Variants in MPST observed in about 807,000 individuals in gnomAD.
MPST encodes 3-mercaptopyruvate sulfurtransferase.
A neutral mutation model predicts 28.5 loss-of-function variants in MPST; 27 were observed. That is an observed-to-expected ratio of 0.95 (90% confidence interval 0.70 to 1.31). The LOEUF (loss-of-function observed/expected upper bound fraction) is 1.31. Ranked by LOEUF, MPST falls within the 50% of genes most tolerant of loss-of-function variation. The pLI is 0.00. For synonymous variants in MPST, 204 were observed against 209.3 expected, an observed-to-expected ratio of 0.97 and a Z score of 0.22; for missense variants, 492 against 471.1, an observed-to-expected ratio of 1.04 and a Z score of -0.41.
At chr22:37,025,062 A>G in intron 2 of MPST, 2 of 1,511,824 alleles carry the variant, frequency 1.3e-6, no homozygotes, top group Non-Finnish European at 1.8e-6. Context: ...CTGCAGCCTC[A>G]ACCTCCTGGG....
chr22:37,029,196 T>A lies in MPST; in HGVS notation c.656-20T>A, dbSNP rs770849908. 1.2e-6 allele frequency: 2 copies of A among 1,607,992 alleles called. No individual in the cohort carries two copies. Among genetic ancestry groups the A allele is most frequent in the Non-Finnish European group, 1.7e-6 (2 of 1,175,898 alleles). On this transcript the variant is annotated intron_variant, in intron 2 of 2. Transcript: ENST00000429360. ...TAGCATCCTTCTATTTGTCCCCTCC[T>A]CCCTGCTCCCCTGCTGTAGGCATTG...
intron 2 of MPST, chr22:37,025,546 T>TACAC: frequency 5.6e-6 from 1 of 177,644 alleles, no homozygotes; most frequent in South Asian, 1.3e-4. Context: ...GGGTAAGCTC[T>TACAC]GTATAATGCG....
chr22:37,024,837 T>C, intron 2 of MPST, 27 bp downstream of exon 2: 1 of 1,599,994 alleles, frequency 6.3e-7, no homozygotes, highest in Non-Finnish European at 8.5e-7. Context: ...GGGCAGGAGG[T>C]CGTCGGGGGC....
Position 37,029,454 on chromosome 22 carries a change from G to A in MPST, c.894G>A (p.Glu298=), listed in dbSNP as rs1298920958. 2 of 1,613,448 alleles carry A rather than the reference G, an allele frequency of 1.2e-6. No homozygotes were observed. Among genetic ancestry groups the A allele is most frequent in the Non-Finnish European group, 1.7e-6 (2 of 1,179,994 alleles). ...CCATCTACGATGGCTCCTGGGTGGAGTGGTACATGCGCGCCCGGCCCGAGG... is the reference window on the plus strand; with the variant it reads ...CCATCTACGATGGCTCCTGGGTGGAATGGTACATGCGCGCCCGGCCCGAGG... ...DVPIYDGSWV[E]WYMRARPEDV... Residue 298 remains glutamate (E), a synonymous_variant, in exon 3 of 3, where the codon GAG becomes GAA. Transcript: ENST00000429360.
At position 37,029,227 on chromosome 22, in the gene MPST, G is replaced by A. The variant is rs2145927236; in HGVS notation, c.667G>A (p.Gly223Ser). The stretch of plus-strand genomic sequence containing the variant: ...CTCCCCTGCTGTAGGCATTGAACCT[G>A]GCCACATCCCAGGTACCGTGAACAT... ...EPEPRDGIEP[G>S]HIPGTVNIPF... Residue 223 changes from glycine to serine, a missense_variant, in exon 3 of 3, where the codon GGC (glycine) becomes AGC (serine). Physicochemically the swap from Gly to Ser is moderately conservative, Grantham distance 56. Transcript: ENST00000429360. 6.2e-7 allele frequency: 1 copy of A among 1,613,866 alleles called. No homozygotes were observed. Among genetic ancestry groups the A allele is most frequent in the East Asian group, 2.2e-5 (1 of 44,870 alleles).
chr22:37,021,992 G>A (rs539196233), intron 1 of MPST, among the ~76,000 whole-genome samples: 1 of 152,214 alleles, frequency 6.6e-6, no homozygotes, highest in African/African-American at 2.4e-5. Context: ...CTAAACCAGG[G>A]CTCTTTCTAC....
Position 37,021,466 on chromosome 22 carries a change from A to ATAT in MPST, c.36+1614_36+1616dup, listed in dbSNP as rs112800478. 1.3e-3 allele frequency among the ~76,000 whole-genome samples: 199 copies of ATAT among 151,680 alleles called. 1 individual carries two copies. The highest frequency in any genetic ancestry group is 3.6e-3 in the African/African-American group (151 of 41,390). On this transcript the variant is annotated intron_variant, in intron 1 of 2. Coordinates refer to ENST00000429360, the MANE Select transcript of MPST (RefSeq NM_021126.8). ...TGAGAGTAATGGAAGAAATAATGCA[A>ATAT]TATTATTATTATTATTATTATTTTG... is the stretch of plus-strand genomic sequence containing the variant.
intron 2 of MPST, 89 bp from the exon 3 acceptor site, chr22:37,029,127 A>C: frequency 2.5e-6 from 3 of 1,191,684 alleles, no homozygotes; most frequent in Non-Finnish European, 2.4e-6. Flanking sequence ...CTTGCATGGG[A>C]TGCTCTCAAT....
intron 1 of MPST, chr22:37,020,122 G>C (rs1320656197): frequency 7.8e-6 from 3 of 386,238 alleles, no homozygotes; most frequent in Non-Finnish European, 9.2e-6. Flanking sequence ...AGAGAGGGCG[G>C]GGGAGAGAGA....
intron 1 of MPST, chr22:37,020,328 G>C (rs1429664233): frequency 6.5e-6 from 1 of 154,110 alleles, no homozygotes; most frequent in Non-Finnish European, 1.4e-5. Flanking sequence ...AGACAGGAGA[G>C]AGCGGCAGAG....
chr22:37,023,862 TGCCTTGAAGCCAGCAGGGC>T, intron 1 of MPST: 1 of 1,436,608 alleles, frequency 7.0e-7, no homozygotes, highest in Non-Finnish European at 9.2e-7. Context: ...CCCCTGTTTG[TGCCTTGAAGCCAGCAGGGC>T]CTTGCCCTAG....
At chr22:37,021,284 C>T (rs1923052254) in intron 1 of MPST, among the ~76,000 whole-genome samples, 1 of 152,126 alleles carries the variant, frequency 6.6e-6, no homozygotes, top group African/African-American at 2.4e-5. Flanking sequence ...ACACCCACAG[C>T]CTGCCTTCAC....
chr22:37,021,110 C>T (rs1923036746), intron 1 of MPST, among the ~76,000 whole-genome samples: 1 of 152,160 alleles, frequency 6.6e-6, no homozygotes. Flanking sequence ...CAAGGGGTAC[C>T]CTGGATCCAG....
chr22:37,027,975 G>C (rs913701373), intron 2 of MPST: 4 of 152,196 alleles, frequency 2.6e-5, no homozygotes, highest in African/African-American at 9.7e-5. Flanking sequence ...GCTAGTCTTT[G>C]TACTTCATTC....
Position 37,019,871 on chromosome 22 carries a change from G to T in MPST, c.35G>T (p.Arg12Leu). ...CCAGGAAGCCGGGAGTCCGAGACCCGGGTAACTGCCGCGGCGTGGCGGCTT... is the reference window on the plus strand; with the variant it reads ...CCAGGAAGCCGGGAGTCCGAGACCCTGGTAACTGCCGCGGCGTGGCGGCTT... Reference protein sequence around the residue: ...AEPGSRESETRARSPSVAAMA... With the variant: ...AEPGSRESETLARSPSVAAMA... Residue 12 changes from arginine (R) to leucine (L), a missense_variant and splice_region_variant, in exon 1 of 3, where the codon CGG becomes CTG. Transcript: ENST00000429360. The T allele has an allele frequency of 8.2e-7, 1 of 1,220,324 alleles. No individual in the cohort carries two copies. The allele number at this position is 1,220,324 out of a possible 1,614,324, so 75.6% of individuals were successfully genotyped here. A position where few individuals can be genotyped will look rare whatever the true frequency, so the allele number is the denominator to read the frequency against.
At chr22:37,028,996 C>T (rs1601464064) in intron 2 of MPST, 1 of 560,836 alleles carries the variant, frequency 1.8e-6, no homozygotes, top group Non-Finnish European at 3.2e-6. Flanking sequence ...ATGTGTTAGC[C>T]TCAGGTGGTA....
intron 2 of MPST, chr22:37,025,028 G>A (rs1426685493): frequency 6.7e-7 from 1 of 1,486,928 alleles, no homozygotes; most frequent in Non-Finnish European, 9.1e-7. Flanking sequence ...CCAGGCTGGA[G>A]TGCAGTGGCA....
At chr22:37,025,270 A>G (rs371087125) in intron 2 of MPST, 23 of 743,736 alleles carry the variant, frequency 3.1e-5, no homozygotes, top group East Asian at 1.3e-4. Flanking sequence ...ACAGCTCTCA[A>G]TCCAACACTA....
chr22:37,019,808 C>A lies in MPST; in HGVS notation c.-29C>A. The stretch of plus-strand genomic sequence containing the variant: ...CGGGAGGAGGGGACAGCTGCGGGCG[C>A]GGGGAGGGGGCGCCGCGCCGCGGGG... On this transcript the variant is annotated 5_prime_UTR_variant, in exon 1 of 3. Transcript: ENST00000429360. The A allele has an allele frequency of 8.7e-7, 1 of 1,143,616 alleles. No individual in the cohort carries two copies. The highest frequency in any genetic ancestry group is 1.1e-6 in the Non-Finnish European group (1 of 907,438). The allele number at this position is 1,143,616 out of a possible 1,614,324, so 70.8% of individuals were successfully genotyped here. A position where few individuals can be genotyped will look rare whatever the true frequency, so the allele number is the denominator to read the frequency against.
Sources: allele counts gnomAD v4.1 joint callset (sites outside exome capture counted in the v4.1 genomes callset), GRCh38; gene constraint gnomAD v4.1.1; transcripts MANE v1.5; gene names NCBI Gene and HGNC (gene_info 2026-07-23, HGNC 2026-07-21).